KIF5C: variants seen among roughly 807,000 people sequenced by gnomAD.
KIF5C encodes kinesin heavy chain isoform 5C.
KIF5C carries 18 observed loss-of-function variants against 125.2 expected under a neutral mutation model. The ratio of observed to expected loss-of-function variants is 0.14; its 90% confidence interval spans 0.10 to 0.21. The LOEUF is 0.21. KIF5C is among the 10% of genes least tolerant of loss of function. KIF5C has a pLI of 1.00. For synonymous variants in KIF5C, 405 were observed against 434.0 expected (o/e 0.93, Z 0.83); for missense variants, 780 against 1,183.8 (o/e 0.66, Z 5.01).
chr2:148,884,466 A>G (rs1318364945), intron 1 of KIF5C: 4 of 152,148 alleles, frequency 2.6e-5, no homozygotes. Flanking sequence ...TTATTATATA[A>G]AATTTCAAAC....
intron 1 of KIF5C, among the ~76,000 whole-genome samples, chr2:148,915,956 C>A (rs62182688): frequency 0.02 from 3,099 of 152,304 alleles, 66 homozygotes; most frequent in Non-Finnish European, 0.03. Flanking sequence ...CCCCCCAACT[C>A]TTAATAGCCA....
intron 8 of KIF5C, chr2:148,948,033 T>C (rs1343894213): frequency 2.2e-6 from 1 of 456,426 alleles, no homozygotes; most frequent in Admixed American, 2.3e-5. Flanking sequence ...TCCGGGTATT[T>C]CTAGTTGGGA....
chr2:148,972,226 C>A (rs1680936252), intron 11 of KIF5C, among the ~76,000 whole-genome samples: 1 of 152,160 alleles, frequency 6.6e-6, no homozygotes, highest in African/African-American at 2.4e-5. Flanking sequence ...CTGTGCCCTG[C>A]CTTCTATCAT....
intron 11 of KIF5C, among the ~76,000 whole-genome samples, chr2:148,968,446 T>C (rs1680807230): frequency 6.6e-6 from 1 of 152,222 alleles, no homozygotes. Flanking sequence ...TCTTCGAAGA[T>C]GCTGGCTCCC....
At chr2:148,931,783 A>G (rs1682191745) in intron 3 of KIF5C, among the ~76,000 whole-genome samples, 1 of 152,242 alleles carries the variant, frequency 6.6e-6, no homozygotes, top group Admixed American at 6.5e-5. Flanking sequence ...AAACTTCACA[A>G]TGCCTGACCA....
chr2:148,992,530 T>G (rs1276120733), intron 16 of KIF5C, among the ~76,000 whole-genome samples: 2 of 152,220 alleles, frequency 1.3e-5, no homozygotes, highest in Admixed American at 6.5e-5. Context: ...TGCCCAAATA[T>G]CCATTGATAG....
intron 3 of KIF5C, among the ~76,000 whole-genome samples, chr2:148,934,526 C>T (rs1682249776): frequency 6.7e-6 from 1 of 150,192 alleles, no homozygotes; most frequent in South Asian, 2.1e-4. Flanking sequence ...GCAGAACCCA[C>T]ATATATCACA....
intron 15 of KIF5C, among the ~76,000 whole-genome samples, chr2:148,990,556 G>A (rs1681498396): frequency 6.6e-6 from 1 of 152,170 alleles, no homozygotes; most frequent in African/African-American, 2.4e-5. Context: ...TACACTACTT[G>A]TCTACCTGAA....
At chr2:149,001,749 G>A (rs994133127) in intron 21 of KIF5C, among the ~76,000 whole-genome samples, 1 of 152,208 alleles carries the variant, frequency 6.6e-6, no homozygotes. Context: ...GTGAAAACAC[G>A]TTCAGGCATT....
intron 8 of KIF5C, among the ~76,000 whole-genome samples, chr2:148,948,910 A>G (rs1447157629): frequency 2.0e-5 from 3 of 152,230 alleles, no homozygotes; most frequent in Non-Finnish European, 4.4e-5. Context: ...TACCACACAA[A>G]CAAGTCCAAG....
chr2:148,984,675 A>G (rs1455501617), intron 15 of KIF5C, among the ~76,000 whole-genome samples: 1 of 152,150 alleles, frequency 6.6e-6, no homozygotes, highest in Non-Finnish European at 1.5e-5. Context: ...GGATCACATG[A>G]CCACTCCACA....
At chr2:148,882,442 T>C (rs1681393351) in intron 1 of KIF5C, among the ~76,000 whole-genome samples, 1 of 152,198 alleles carries the variant, frequency 6.6e-6, no homozygotes, top group Non-Finnish European at 1.5e-5. Context: ...GAGGTTCCCC[T>C]GTGCCCTCAG....
At chr2:148,988,157 T>C (rs1194929124) in intron 15 of KIF5C, among the ~76,000 whole-genome samples, 1 of 151,506 alleles carries the variant, frequency 6.6e-6, no homozygotes, top group Admixed American at 6.6e-5. Context: ...CAAACTGATT[T>C]TTTTTTTTTT....
chr2:148,911,084 A>G (rs888009330), intron 1 of KIF5C, among the ~76,000 whole-genome samples: 1 of 152,236 alleles, frequency 6.6e-6, no homozygotes, highest in African/African-American at 2.4e-5. Flanking sequence ...TTAATTAGAT[A>G]GTTAACAATG....
intron 15 of KIF5C, among the ~76,000 whole-genome samples, chr2:148,985,148 G>C (rs559851303): frequency 7.2e-4 from 109 of 152,208 alleles, no homozygotes; most frequent in African/African-American, 2.2e-3. Context: ...GGGGATAATA[G>C]GGGTGGTATA....
intron 11 of KIF5C, among the ~76,000 whole-genome samples, chr2:148,968,427 A>G (rs533537381): frequency 1.3e-5 from 2 of 152,338 alleles, no homozygotes; most frequent in South Asian, 2.1e-4. Flanking sequence ...TTGCTCTTTT[A>G]GCATTAAATC....
chr2:148,880,764 G>T (rs1254137917), intron 1 of KIF5C, among the ~76,000 whole-genome samples: 1 of 152,106 alleles, frequency 6.6e-6, no homozygotes, highest in Non-Finnish European at 1.5e-5. Flanking sequence ...AAATGGGTTA[G>T]TGGTTTCCTT....
At chr2:148,975,633 C>G (rs1051346994) in intron 12 of KIF5C, among the ~76,000 whole-genome samples, 8 of 152,204 alleles carry the variant, frequency 5.3e-5, no homozygotes, top group Admixed American at 5.2e-4. Context: ...TTCCTCCCAG[C>G]TGTCCCTTCT....
chr2:148,910,158 A>T (rs1019612673), intron 1 of KIF5C, among the ~76,000 whole-genome samples: 1 of 152,240 alleles, frequency 6.6e-6, no homozygotes, highest in Non-Finnish European at 1.5e-5. Context: ...AAAGATGGGT[A>T]AGATAGAAAA....
Sources: allele counts gnomAD v4.1 joint callset (sites outside exome capture counted in the v4.1 genomes callset), GRCh38; gene constraint gnomAD v4.1.1; transcripts MANE v1.5; gene names NCBI Gene and HGNC (gene_info 2026-07-23, HGNC 2026-07-21).